Variants in SPAG16 observed in about 807,000 individuals in gnomAD.
SPAG16 encodes sperm associated antigen 16.
In SPAG16, 86 loss-of-function variants were observed where a neutral mutation model predicts 80.4. The observed-to-expected ratio is 1.07, with a 90% CI of 0.90 to 1.28. The LOEUF is 1.28. Among genes scored for constraint, SPAG16 ranks in the 50% most tolerant of loss-of-function variants. The probability of loss-of-function intolerance (pLI) is 0.00; values close to 1 mark genes in which losing one functional copy is unlikely to be tolerated. For synonymous variants in SPAG16, 294 were observed against 265.9 expected, an observed-to-expected ratio of 1.11 and a Z score of -1.03; for missense variants, 870 against 765.3, an observed-to-expected ratio of 1.14 and a Z score of -1.61.
chr2:214,095,381 T>C (rs1460949460), intron 13 of SPAG16, among the ~76,000 whole-genome samples: 1 of 152,088 alleles, frequency 6.6e-6, no homozygotes, highest in African/African-American at 2.4e-5. Context: ...GAGCTTCAAA[T>C]TAATCACACG....
At chr2:213,711,200 T>G (rs10165804) in intron 10 of SPAG16, among the ~76,000 whole-genome samples, 46,639 of 151,932 alleles carry the variant, frequency 0.31, 7,534 homozygotes, top group Middle Eastern at 0.43. Context: ...AATTTTCAAG[T>G]TTATGTACTT....
intron 15 of SPAG16, among the ~76,000 whole-genome samples, chr2:214,387,888 G>A (rs1700849411): frequency 6.6e-6 from 1 of 152,100 alleles, no homozygotes; most frequent in African/African-American, 2.4e-5. Context: ...AGCACGTGTG[G>A]ATTATGAGAA....
intron 15 of SPAG16, among the ~76,000 whole-genome samples, chr2:214,251,653 G>A (rs556605209): frequency 2.0e-5 from 3 of 152,028 alleles, no homozygotes; most frequent in Non-Finnish European, 2.9e-5. Context: ...TCTCATTTAC[G>A]TATTTCAAGA....
intron 15 of SPAG16, among the ~76,000 whole-genome samples, chr2:214,255,646 C>A (rs1690627859): frequency 6.6e-6 from 1 of 151,894 alleles, no homozygotes; most frequent in Non-Finnish European, 1.5e-5. Context: ...TTCTCTCGTG[C>A]CCCTTTTCAC....
At chr2:213,776,640 T>C (rs1360424305) in intron 10 of SPAG16, among the ~76,000 whole-genome samples, 1 of 152,206 alleles carries the variant, frequency 6.6e-6, no homozygotes, top group East Asian at 1.9e-4. Context: ...AAAGTTTTTT[T>C]TTCTTATTCT....
Position 213,928,527 on chromosome 2 carries a change from C to T in SPAG16, c.1215-1433C>T, listed in dbSNP as rs894508495. Among the ~76,000 whole-genome samples, 12 of 152,290 alleles carry T rather than the reference C, an allele frequency of 7.9e-5. 1 individual carries two copies. In the South Asian group the frequency reaches 2.1e-3, roughly 26 times the overall value. ...GATAGAAATTACATTTCCCTCTTAG[C>T]TGAAAAATACCCAAGCCTATGAGCA... On this transcript the variant is annotated intron_variant, in intron 11 of 15. Coordinates refer to ENST00000331683, the MANE Select transcript of SPAG16 (RefSeq NM_024532.5).
intron 10 of SPAG16, among the ~76,000 whole-genome samples, chr2:213,679,141 A>T (rs2064252480): frequency 6.6e-6 from 1 of 152,184 alleles, no homozygotes; most frequent in African/African-American, 2.4e-5. Context: ...GTCTAACCTA[A>T]TTCTAAATAT....
At chr2:214,343,909 G>A (rs182323047) in intron 15 of SPAG16, among the ~76,000 whole-genome samples, 1 of 152,242 alleles carries the variant, frequency 6.6e-6, no homozygotes, top group African/African-American at 2.4e-5. Flanking sequence ...ATGATACTAA[G>A]GTGAGAGTAC....
At chr2:213,793,741 T>A (rs536450258) in intron 10 of SPAG16, among the ~76,000 whole-genome samples, 2 of 152,322 alleles carry the variant, frequency 1.3e-5, no homozygotes, top group African/African-American at 4.8e-5. Context: ...GACAAGGTAA[T>A]GTTAATGTTG....
intron 15 of SPAG16, among the ~76,000 whole-genome samples, chr2:214,275,841 A>G (rs755917807): frequency 3.9e-5 from 6 of 152,072 alleles, no homozygotes; most frequent in Non-Finnish European, 8.8e-5. Context: ...CAAGTCCTGG[A>G]TATCTTTGTT....
At chr2:214,132,473 A>T (rs2054828596) in intron 14 of SPAG16, among the ~76,000 whole-genome samples, 1 of 152,228 alleles carries the variant, frequency 6.6e-6, no homozygotes, top group Non-Finnish European at 1.5e-5. Flanking sequence ...CATGTATTAA[A>T]CAATGGTCTA....
At chr2:213,945,269 A>C (rs2079392167) in intron 12 of SPAG16, among the ~76,000 whole-genome samples, 1 of 148,100 alleles carries the variant, frequency 6.8e-6, no homozygotes, top group Non-Finnish European at 1.5e-5. Flanking sequence ...ATACAAGTAT[A>C]TATATATACA....
At chr2:214,402,564 G>A (rs992834184) in intron 15 of SPAG16, among the ~76,000 whole-genome samples, 1 of 151,938 alleles carries the variant, frequency 6.6e-6, no homozygotes, top group South Asian at 2.1e-4. Flanking sequence ...AGGCTAAGGG[G>A]ATGTTTGCCA....
chr2:213,457,213 C>T (rs888570062), intron 9 of SPAG16, among the ~76,000 whole-genome samples: 1 of 152,138 alleles, frequency 6.6e-6, no homozygotes, highest in Non-Finnish European at 1.5e-5. Flanking sequence ...GATGGACTTA[C>T]TCTTTCTGTT....
intron 10 of SPAG16, among the ~76,000 whole-genome samples, chr2:213,507,624 T>C (rs2075019048): frequency 6.6e-6 from 1 of 152,234 alleles, no homozygotes; most frequent in Admixed American, 6.5e-5. Context: ...TTATCAACTA[T>C]GAATATATCT....
intron 10 of SPAG16, among the ~76,000 whole-genome samples, chr2:213,677,800 A>G (rs914598787): frequency 6.6e-6 from 1 of 152,146 alleles, no homozygotes; most frequent in African/African-American, 2.4e-5. Flanking sequence ...TCCACCCCAA[A>G]TCAACAGAAT....
At chr2:214,005,433 G>A (rs919181820) in intron 12 of SPAG16, among the ~76,000 whole-genome samples, 6 of 152,150 alleles carry the variant, frequency 3.9e-5, no homozygotes, top group African/African-American at 1.4e-4. Context: ...TGGGAACAAT[G>A]TTCAATTTAT....
intron 11 of SPAG16, among the ~76,000 whole-genome samples, chr2:213,904,217 A>G (rs575112452): frequency 2.0e-5 from 3 of 152,230 alleles, no homozygotes; most frequent in South Asian, 4.1e-4. Flanking sequence ...ACTGATACCA[A>G]TTTACTGTAT....
intron 12 of SPAG16, among the ~76,000 whole-genome samples, chr2:213,999,652 G>C (rs1433062531): frequency 6.6e-6 from 1 of 152,190 alleles, no homozygotes; most frequent in East Asian, 1.9e-4. Context: ...TGCACTGTTT[G>C]CCTGGCAAAG....
Sources: gnomAD v4.1 joint callset for allele counts (sites outside exome capture counted in the v4.1 genomes callset) on GRCh38, gnomAD v4.1.1 for gene constraint, MANE v1.5 for transcripts, NCBI Gene and HGNC (gene_info 2026-07-23, HGNC 2026-07-21) for gene names.